Variants in PVT1 observed in about 807,000 individuals in gnomAD.
PVT1 encodes the protein CXCR4/PVT1 fusion.
intron 3 of PVT1, chr8:127,960,680 C>A: frequency 1.9e-6 from 1 of 527,290 alleles, no homozygotes; most frequent in Non-Finnish European, 3.9e-6. Flanking sequence ...CCTGTCAACC[C>A]TGTTCTGGAG....
At position 127,926,411 on chromosome 8, in the gene PVT1, G is replaced by A. The variant is rs528690138; in HGVS notation, n.782+35413G>A. ...GCTGCTAATGTCCACTGCTGCTAAT[G>A]TCCACAGCACCACTTCTCTGGAGAT... is the stretch of plus-strand genomic sequence containing the variant. On this transcript the variant is annotated intron_variant and non_coding_transcript_variant, in intron 3 of 10. Transcript: ENST00000651587. 4.5e-4 allele frequency among the ~76,000 whole-genome samples: 69 copies of A among 152,320 alleles called. 4 individuals are homozygous for A. In the South Asian group the frequency reaches 0.011, roughly 23 times the overall value.
chr8:127,935,979 A>G (rs4733583), intron 3 of PVT1, among the ~76,000 whole-genome samples: 98,540 of 150,262 alleles, frequency 0.66, 32,649 homozygotes, highest in Middle Eastern at 0.76. Flanking sequence ...AGTGGTTTGA[A>G]TGAGGAATGG....
intron 4 of PVT1, among the ~76,000 whole-genome samples, chr8:128,037,612 C>G (rs185484801): frequency 9.6e-4 from 146 of 152,286 alleles, no homozygotes; most frequent in African/African-American, 3.4e-3. Context: ...CTAGCTGTGC[C>G]CACAGACAGA....
chr8:128,014,291 G>C (rs1817347010), intron 4 of PVT1, among the ~76,000 whole-genome samples: 1 of 152,236 alleles, frequency 6.6e-6, no homozygotes, highest in Non-Finnish European at 1.5e-5. Flanking sequence ...TACAAGGGGG[G>C]TTAGCCAGTA....
chr8:128,015,864 A>G (rs1817367508), intron 4 of PVT1, among the ~76,000 whole-genome samples: 3 of 150,636 alleles, frequency 2.0e-5, no homozygotes, highest in Non-Finnish European at 4.4e-5. Context: ...GGTCTCTTCC[A>G]TGTTGTTGTT....
intron 4 of PVT1, among the ~76,000 whole-genome samples, chr8:128,067,401 G>A (rs924664279): frequency 2.6e-5 from 4 of 152,176 alleles, no homozygotes; most frequent in African/African-American, 4.8e-5. Flanking sequence ...TCCAAGGCCA[G>A]TCCTTCCTTC....
chr8:127,954,274 C>A (rs1380879484), intron 3 of PVT1, among the ~76,000 whole-genome samples: 1 of 148,600 alleles, frequency 6.7e-6, no homozygotes, highest in Non-Finnish European at 1.5e-5. Flanking sequence ...ACTGCTGTGA[C>A]TGAGACTCAA....
At chr8:127,897,891 G>A (rs796473100) in intron 3 of PVT1, among the ~76,000 whole-genome samples, 1 of 103,208 alleles carries the variant, frequency 9.7e-6, no homozygotes, top group African/African-American at 5.8e-5. Context: ...AAGAAAGAAA[G>A]AAAGAAAGAA....
rs189546186 is a variant in PVT1 at position 127,947,572 on chromosome 8, C to T, written n.783-41590C>T. On this transcript the variant is annotated intron_variant and non_coding_transcript_variant, in intron 3 of 10. Coordinates refer to ENST00000651587, the Ensembl canonical transcript of PVT1. ...TCCCCTCCCAGGTGGGCATAGGAAT[C>T]ACTGCTTAGCTTAGATTTGGCAGAA... is the stretch of plus-strand genomic sequence containing the variant. 1,558 of 380,356 alleles carry T rather than the reference C, an allele frequency of 4.1e-3. 8 individuals carry two copies. Among genetic ancestry groups the T allele is most frequent in the Non-Finnish European group, 5.9e-3 (1,138 of 194,060 alleles). 23.6% of individuals were successfully genotyped at this position (380,356 alleles called of 1,614,324 possible). A position where few individuals can be genotyped will look rare whatever the true frequency, so the allele number is the denominator to read the frequency against.
intron 2 of PVT1, among the ~76,000 whole-genome samples, chr8:127,860,764 CAA>C (rs1224612475): frequency 0.019 from 1,171 of 63,124 alleles, 11 homozygotes; most frequent in African/African-American, 0.049. Flanking sequence ...GACCCAATCT[CAA>C]AAAAAAAAAA....
chr8:127,897,346 G>A lies in PVT1; in HGVS notation n.782+6348G>A, dbSNP rs1170294607. On this transcript the variant is annotated intron_variant and non_coding_transcript_variant, in intron 3 of 10. Transcript: ENST00000651587. ...AAGCAGCCAGGGCAGGCTATCTTAA[G>A]AGGAGGGAGCATATTTGATAAAGTT... 3.3e-5 allele frequency among the ~76,000 whole-genome samples: 5 copies of A among 152,182 alleles called. No homozygotes were observed. The East Asian group carries it at 9.6e-4, about 29-fold the overall frequency.
In PVT1 at chr8:127,831,070, A is replaced by G. The variant is rs527447060; in HGVS notation, n.372+34999A>G. ...TGTGTGTGTGTGTGTGTGTGTATAT[A>G]TATATAGATAAAACTCCTCTTTATA... On this transcript the variant is annotated intron_variant and non_coding_transcript_variant, in intron 2 of 10. Transcript: ENST00000651587. Among the ~76,000 whole-genome samples the G allele has an allele frequency of 2.5e-3, 383 of 151,460 alleles. 1 individual carries two copies. Among genetic ancestry groups the G allele is most frequent in the African/African-American group, 6.9e-3 (283 of 41,178 alleles).
At chr8:127,809,029 CAAAAAAAAA>C (rs1158760672) in intron 2 of PVT1, among the ~76,000 whole-genome samples, 10 of 28,286 alleles carry the variant, frequency 3.5e-4, no homozygotes, top group African/African-American at 1.4e-3. Context: ...GATTCCATCT[CAAAAAAAAA>C]AAAAAAAAAA....
intron 3 of PVT1, among the ~76,000 whole-genome samples, chr8:127,919,449 C>T (rs745677566): frequency 2.0e-5 from 3 of 152,222 alleles, no homozygotes; most frequent in African/African-American, 4.8e-5. Context: ...GCTTCAGGAG[C>T]AGGGCTTTGG....
chr8:127,932,603 T>C, intron 3 of PVT1: 1 of 398,586 alleles, frequency 2.5e-6, no homozygotes, highest in East Asian at 3.6e-5. Context: ...CTGTGCAGAT[T>C]CGCTGTTCGT....
At chr8:127,827,650 T>TC (rs1814805890) in intron 2 of PVT1, among the ~76,000 whole-genome samples, 2 of 151,932 alleles carry the variant, frequency 1.3e-5, no homozygotes. Context: ...GTTGAGCTGC[T>TC]CCCCCAGGCC....
intron 2 of PVT1, among the ~76,000 whole-genome samples, chr8:127,830,572 A>G (rs1469996850): frequency 6.6e-6 from 1 of 152,064 alleles, no homozygotes; most frequent in Non-Finnish European, 1.5e-5. Flanking sequence ...AGGTGAGAAA[A>G]TAAGGGAATC....
chr8:127,818,016 G>A (rs2129674614), intron 2 of PVT1, among the ~76,000 whole-genome samples: 1 of 152,318 alleles, frequency 6.6e-6, no homozygotes, highest in Non-Finnish European at 1.5e-5. Context: ...TGATGCCCAG[G>A]AGAGGGGCAG....
chr8:127,917,890 C>T (rs1054503451), intron 3 of PVT1, among the ~76,000 whole-genome samples: 1 of 152,260 alleles, frequency 6.6e-6, no homozygotes, highest in African/African-American at 2.4e-5. Flanking sequence ...AGTGAGGCAG[C>T]GCCGTGATTC....
Sources: gnomAD v4.1 joint callset for allele counts (sites outside exome capture counted in the v4.1 genomes callset) on GRCh38, gnomAD v4.1.1 for gene constraint, MANE v1.5 for transcripts, NCBI Gene and HGNC (gene_info 2026-07-23, HGNC 2026-07-21) for gene names.